PTPRM: variants seen among roughly 807,000 people sequenced by gnomAD.
The protein encoded by PTPRM is receptor-type tyrosine-protein phosphatase mu.
Under a neutral mutation model 186.7 loss-of-function variants are expected in PTPRM, and 47 were observed. That is an observed-to-expected ratio of 0.25 (90% CI 0.20 to 0.32). PTPRM has a LOEUF of 0.32. Among genes scored for constraint, PTPRM ranks in the 10% least tolerant of loss-of-function variants. The pLI, the probability that PTPRM is intolerant of heterozygous loss-of-function variation, is 1.00. For missense variants in PTPRM, 1,494 were observed against 1,865.0 expected, an observed-to-expected ratio of 0.80 and a Z score of 3.66; for synonymous variants, 668 against 674.9, an observed-to-expected ratio of 0.99 and a Z score of 0.16.
intron 2 of PTPRM, among the ~76,000 whole-genome samples, chr18:7,876,116 CTGTG>C (rs35159405): frequency 0.14 from 21,543 of 149,768 alleles, 1,920 homozygotes; most frequent in East Asian, 0.39. Flanking sequence ...TGATGCATGA[CTGTG>C]TGTGTGTGTG....
chr18:7,793,166 TG>T (rs200255993), intron 2 of PTPRM, among the ~76,000 whole-genome samples: 4,487 of 152,260 alleles, frequency 0.029, 100 homozygotes, highest in Non-Finnish European at 0.046. Flanking sequence ...TGTTAGGGTG[TG>T]GTTTCTAGTT....
chr18:7,729,528 GA>G (rs57829380), intron 1 of PTPRM, among the ~76,000 whole-genome samples: 6 of 149,358 alleles, frequency 4.0e-5, no homozygotes, highest in Non-Finnish European at 5.9e-5. Flanking sequence ...TAATAAGGCT[GA>G]AAAAAAAACA....
chr18:8,010,600 G>T (rs1222611577), intron 7 of PTPRM, among the ~76,000 whole-genome samples: 1 of 152,164 alleles, frequency 6.6e-6, no homozygotes, highest in Non-Finnish European at 1.5e-5. Flanking sequence ...CCCAGGCTGG[G>T]TGGCAGCACA....
At chr18:8,312,081 A>G (rs1453374149) in intron 20 of PTPRM, among the ~76,000 whole-genome samples, 6 of 152,214 alleles carry the variant, frequency 3.9e-5, no homozygotes, top group Admixed American at 6.5e-5. Flanking sequence ...GTATCCAGGA[A>G]GGTGAACCTG....
intron 1 of PTPRM, among the ~76,000 whole-genome samples, chr18:7,629,222 A>G (rs867588937): frequency 2.3e-4 from 35 of 152,208 alleles, no homozygotes; most frequent in Non-Finnish European, 4.0e-4. Context: ...ATTCAGGTCA[A>G]TGTAGGGAAG....
intron 2 of PTPRM, among the ~76,000 whole-genome samples, chr18:7,806,071 T>TA (rs2044219652): frequency 6.6e-6 from 1 of 152,206 alleles, no homozygotes; most frequent in African/African-American, 2.4e-5. Flanking sequence ...CCTAGTGGCA[T>TA]ACCAGAAGTG....
rs1210955114 is a variant in PTPRM at position 8,406,503 on chromosome 18, C to T, written c.*341C>T. ...GGGGTATTATTTTGTGGCCCGTGAC[C>T]CTCGTTATTGTTACAGCTGAGTGTA... is the stretch of plus-strand genomic sequence containing the variant. On this transcript the variant is annotated 3_prime_UTR_variant, in exon 33 of 33. Transcript: ENST00000580170. The T allele has an allele frequency of 8.5e-6, 2 of 236,546 alleles. No homozygotes were observed. The highest frequency in any genetic ancestry group is 1.6e-5 in the Non-Finnish European group (2 of 121,306). 14.7% of individuals were successfully genotyped at this position (236,546 alleles called of 1,614,324 possible). A position where few individuals can be genotyped will look rare whatever the true frequency, so the allele number is the denominator to read the frequency against.
chr18:8,248,070 A>G, intron 16 of PTPRM, 80 bp from the exon 17 acceptor site: 1 of 1,396,024 alleles, frequency 7.2e-7, no homozygotes, highest in East Asian at 2.3e-5. Context: ...TGCAGAAAAT[A>G]GGGGTGGGCA....
chr18:7,976,917 C>A (rs2054984497), intron 7 of PTPRM, among the ~76,000 whole-genome samples: 1 of 145,948 alleles, frequency 6.9e-6, no homozygotes, highest in African/African-American at 2.5e-5. Flanking sequence ...AAGAAACTTG[C>A]TGTTTTTTTT....
chr18:8,114,973 G>A (rs1026627780), intron 13 of PTPRM, 146 bp downstream of exon 13: 4 of 607,304 alleles, frequency 6.6e-6, no homozygotes, highest in African/African-American at 3.8e-5. Context: ...ATGAATGCAT[G>A]TATGTATTAG....
intron 2 of PTPRM, among the ~76,000 whole-genome samples, chr18:7,840,743 G>A (rs1260520871): frequency 6.6e-6 from 1 of 152,200 alleles, no homozygotes; most frequent in African/African-American, 2.4e-5. Flanking sequence ...AAAAGCCATT[G>A]GAAACATATG....
At chr18:8,298,078 G>A (rs1352068936) in intron 20 of PTPRM, among the ~76,000 whole-genome samples, 2 of 152,222 alleles carry the variant, frequency 1.3e-5, no homozygotes, top group Admixed American at 1.3e-4. Context: ...TCAGATCGCT[G>A]TGGCAGTAGT....
chr18:8,003,112 C>T (rs1568166430), intron 7 of PTPRM, among the ~76,000 whole-genome samples: 2 of 152,224 alleles, frequency 1.3e-5, no homozygotes, highest in Admixed American at 6.5e-5. Flanking sequence ...GTGTCCCCAC[C>T]CAAATCTCAC....
At chr18:7,579,010 G>T (rs7235826) in intron 1 of PTPRM, among the ~76,000 whole-genome samples, 9,673 of 152,144 alleles carry the variant, frequency 0.064, 394 homozygotes, top group African/African-American at 0.11. Flanking sequence ...TCCCCTTTCT[G>T]GGTCCAAGGC....
At chr18:8,308,828 T>C (rs904698864) in intron 20 of PTPRM, among the ~76,000 whole-genome samples, 1 of 152,246 alleles carries the variant, frequency 6.6e-6, no homozygotes, top group African/African-American at 2.4e-5. Context: ...AATTAAAATT[T>C]CAGTTCCTTT....
chr18:7,736,052 T>G (rs2040764703), intron 1 of PTPRM, among the ~76,000 whole-genome samples: 1 of 152,140 alleles, frequency 6.6e-6, no homozygotes, highest in Non-Finnish European at 1.5e-5. Flanking sequence ...CTCAGGCATA[T>G]GTTCTCAGGA....
At chr18:7,654,626 A>T (rs185856061) in intron 1 of PTPRM, among the ~76,000 whole-genome samples, 1 of 152,108 alleles carries the variant, frequency 6.6e-6, no homozygotes, top group Non-Finnish European at 1.5e-5. Context: ...TAATTTTAGC[A>T]TAGTATGTAG....
intron 1 of PTPRM, among the ~76,000 whole-genome samples, chr18:7,702,058 A>G (rs1598399895): frequency 6.6e-6 from 1 of 152,154 alleles, no homozygotes; most frequent in Non-Finnish European, 1.5e-5. Context: ...ATACTGTTCC[A>G]TGGTGTATAT....
intron 19 of PTPRM, among the ~76,000 whole-genome samples, chr18:8,256,382 A>T (rs1327176994): frequency 6.6e-6 from 1 of 152,254 alleles, no homozygotes; most frequent in Non-Finnish European, 1.5e-5. Context: ...TAGAATAATT[A>T]TAGTCTCAAC....
Sources: allele counts gnomAD v4.1 joint callset (sites outside exome capture counted in the v4.1 genomes callset), GRCh38; gene constraint gnomAD v4.1.1; transcripts MANE v1.5; gene names NCBI Gene and HGNC (gene_info 2026-07-23, HGNC 2026-07-21).